SPATA1: variants seen among roughly 807,000 people sequenced by gnomAD.
SPATA1 encodes spermatogenesis associated 1.
In SPATA1, 57 loss-of-function variants were observed where a neutral mutation model predicts 59.6. That is an observed-to-expected ratio of 0.96 (90% CI 0.77 to 1.19). The LOEUF (loss-of-function observed/expected upper bound fraction) is 1.19, where lower values mean the gene tolerates loss of function less well. Among genes scored for constraint, SPATA1 ranks in the 50% most tolerant of loss-of-function variants. SPATA1 has a pLI of 0.00. For missense variants in SPATA1, 448 were observed against 480.7 expected (o/e 0.93, Z 0.64); for synonymous variants, 147 against 163.9 (o/e 0.90, Z 0.79).
At chr1:84,550,761 A>T in intron 12 of SPATA1, 1 of 1,075,724 alleles carries the variant, frequency 9.3e-7, no homozygotes. Context: ...GTAAAATTTT[A>T]CTAGGAAGAA....
chr1:84,529,471 A>G (rs1170010935), intron 6 of SPATA1, among the ~76,000 whole-genome samples: 4 of 151,990 alleles, frequency 2.6e-5, no homozygotes, highest in South Asian at 4.1e-4. Flanking sequence ...TAGTAACTGT[A>G]ATGGTACAAA....
At chr1:84,550,992 T>G in intron 12 of SPATA1, 1 of 984,802 alleles carries the variant, frequency 1.0e-6, no homozygotes, top group Non-Finnish European at 1.2e-6. Flanking sequence ...GTTTCCTTCC[T>G]GGCAGAGACT....
intron 9 of SPATA1, among the ~76,000 whole-genome samples, chr1:84,544,899 C>T (rs1684035036): frequency 6.6e-6 from 1 of 151,376 alleles, no homozygotes; most frequent in Non-Finnish European, 1.5e-5. Flanking sequence ...GTTTAGTCAC[C>T]AACATTATTT....
chr1:84,524,544 C>T (rs1280279330), intron 4 of SPATA1, among the ~76,000 whole-genome samples: 1 of 152,068 alleles, frequency 6.6e-6, no homozygotes, highest in Non-Finnish European at 1.5e-5. Context: ...GAACAAGCTG[C>T]CTCTCAAATT....
At chr1:84,542,896 T>C (rs781469409) in intron 8 of SPATA1, among the ~76,000 whole-genome samples, 1 of 152,162 alleles carries the variant, frequency 6.6e-6, no homozygotes, top group Non-Finnish European at 1.5e-5. Flanking sequence ...AGACCCCCTG[T>C]GGATGCCTGA....
exon 13 of SPATA1, chr1:84,553,047 G>A (rs932101537): frequency 6.6e-7 from 1 of 1,522,426 alleles, no homozygotes; most frequent in African/African-American, 1.4e-5. Flanking sequence ...GAGAAAACAA[G>A]CAGTTTCAGA....
intron 6 of SPATA1, among the ~76,000 whole-genome samples, chr1:84,532,567 G>C (rs1028247084): frequency 2.0e-5 from 3 of 152,156 alleles, no homozygotes; most frequent in Non-Finnish European, 4.4e-5. Flanking sequence ...GTTGTACATG[G>C]AGACAAACCC....
chr1:84,526,162 G>C, intron 6 of SPATA1, 89 bp downstream of exon 6: 1 of 1,090,384 alleles, frequency 9.2e-7, no homozygotes, highest in Non-Finnish European at 1.3e-6. Flanking sequence ...AGCAAACCTA[G>C]CCTTACAAAT....
Position 84,543,096 on chromosome 1 carries a change from A to ATT in SPATA1, c.718-1106_718-1105insTT, listed in dbSNP as rs1683964542. Among the ~76,000 whole-genome samples, 4 of 152,308 alleles carry ATT rather than the reference A, an allele frequency of 2.6e-5. No individual in the cohort carries two copies. In the South Asian group the frequency reaches 8.3e-4, roughly 32 times the overall value. ...ATGTGAATGTGGCCTCTCTCTCTCT[A>ATT]AAAGTATCTTATTGTACTGTACCGT... On this transcript the variant is annotated intron_variant, in intron 8 of 12. Transcript: ENST00000490879.
intron 4 of SPATA1, among the ~76,000 whole-genome samples, chr1:84,560,478 A>G (rs1684571055): frequency 6.6e-6 from 1 of 152,214 alleles, no homozygotes. Context: ...ACCTAAGCAC[A>G]AAAATGGACA....
downstream of SPATA1, among the ~76,000 whole-genome samples, chr1:84,557,984 G>A (rs959824247): frequency 2.0e-5 from 3 of 151,904 alleles, no homozygotes; most frequent in African/African-American, 7.3e-5. Flanking sequence ...TTTCTTCATA[G>A]AAACAGAGTA....
At position 84,544,182 on chromosome 1, in the gene SPATA1, A is replaced by G. The variant is rs757408720; in HGVS notation, c.718-20A>G. 3.4e-6 allele frequency: 5 copies of G among 1,482,832 alleles called. No individual in the cohort carries two copies. The highest frequency in any genetic ancestry group is 4.7e-6 in the Non-Finnish European group (5 of 1,073,472). The allele number at this position is 1,482,832 out of a possible 1,614,324, so 91.9% of individuals were successfully genotyped here. A position where few individuals can be genotyped will look rare whatever the true frequency, so the allele number is the denominator to read the frequency against. On this transcript the variant is annotated intron_variant, in intron 8 of 12. Transcript: ENST00000490879. ...TGTGACAGTGTAGCCGATCTTACTCATTTTCACGTTTGCTTACAGACAGCT... is the reference window on the plus strand; with the variant it reads ...TGTGACAGTGTAGCCGATCTTACTCGTTTTCACGTTTGCTTACAGACAGCT...
intron 4 of SPATA1, among the ~76,000 whole-genome samples, chr1:84,523,098 T>C (rs942413040): frequency 1.3e-5 from 2 of 151,898 alleles, no homozygotes; most frequent in Non-Finnish European, 2.9e-5. Context: ...AGAGACAGAG[T>C]TTCACCATGT....
chr1:84,534,538 T>C (rs1309460417), intron 8 of SPATA1, among the ~76,000 whole-genome samples: 1 of 152,036 alleles, frequency 6.6e-6, no homozygotes, highest in Non-Finnish European at 1.5e-5. Context: ...AGTTAGTAAG[T>C]ACTAGAGCTG....
intron 1 of SPATA1, among the ~76,000 whole-genome samples, chr1:84,511,270 A>G (rs932447656): frequency 2.0e-5 from 3 of 152,232 alleles, no homozygotes; most frequent in Non-Finnish European, 4.4e-5. Flanking sequence ...CCATAAATAT[A>G]TACACCTACT....
At position 84,522,521 on chromosome 1, in the gene SPATA1, T is replaced by C. The variant is rs759856756; in HGVS notation, c.261+14T>C. On this transcript the variant is annotated intron_variant, in intron 4 of 12. Coordinates refer to ENST00000490879, the Ensembl canonical transcript of SPATA1. The stretch of plus-strand genomic sequence containing the variant: ...AATTTAGCTGTGGTAAGTTTTCTTT[T>C]TTTTTCTTTCTGATTGAGAAAGACC... 21 of 1,434,174 alleles carry C rather than the reference T, an allele frequency of 1.5e-5. No homozygotes were observed. The highest frequency in any genetic ancestry group is 1.9e-4 in the Middle Eastern group (1 of 5,240). 88.8% of individuals were successfully genotyped at this position (1,434,174 alleles called of 1,614,324 possible). A position where few individuals can be genotyped will look rare whatever the true frequency, so the allele number is the denominator to read the frequency against.
At chr1:84,554,869 A>T, downstream of SPATA1, 1 of 727,886 alleles carries the variant, frequency 1.4e-6, no homozygotes, top group Non-Finnish European at 2.2e-6. Context: ...CAAACAATCA[A>T]AACATTTATT....
intron 1 of SPATA1, among the ~76,000 whole-genome samples, chr1:84,508,249 A>C (rs1301123936): frequency 6.6e-6 from 1 of 150,756 alleles, no homozygotes; most frequent in Non-Finnish European, 1.5e-5. Flanking sequence ...GCACCACTGC[A>C]CTCCAGCCTG....
intron 1 of SPATA1, among the ~76,000 whole-genome samples, chr1:84,510,865 C>T (rs374330062): frequency 1.3e-5 from 2 of 152,184 alleles, no homozygotes; most frequent in East Asian, 3.8e-4. Flanking sequence ...TTTGCAACAA[C>T]ATGGATAGAA....
Sources: gnomAD v4.1 joint callset for allele counts (sites outside exome capture counted in the v4.1 genomes callset) on GRCh38, gnomAD v4.1.1 for gene constraint, MANE v1.5 for transcripts, NCBI Gene and HGNC (gene_info 2026-07-23, HGNC 2026-07-21) for gene names.